ACBD6: variants seen among roughly 807,000 people sequenced by gnomAD.
ACBD6 encodes acyl-CoA-binding domain-containing protein 6.
A neutral mutation model predicts 37.2 loss-of-function variants in ACBD6; 28 were observed. The ratio of observed to expected loss-of-function variants is 0.75; its 90% CI spans 0.56 to 1.03. The LOEUF is 1.03. ACBD6 is among the 50% of genes least tolerant of loss of function. ACBD6 has a pLI of 0.00. For synonymous variants in ACBD6, 113 were observed against 126.8 expected, an observed-to-expected ratio of 0.89 and a Z score of 0.73; for missense variants, 340 against 337.4, an observed-to-expected ratio of 1.01 and a Z score of -0.06.
chr1:180,286,524 T>C (rs1317081382), downstream of ACBD6, among the ~76,000 whole-genome samples: 3 of 152,242 alleles, frequency 2.0e-5, no homozygotes, highest in African/African-American at 7.2e-5. Context: ...GGCATCATCC[T>C]GGTGACTTCA....
At chr1:180,394,938 A>G (rs921828471) in intron 6 of ACBD6, among the ~76,000 whole-genome samples, 2 of 152,222 alleles carry the variant, frequency 1.3e-5, no homozygotes, top group Non-Finnish European at 2.9e-5. Flanking sequence ...TACTATATAA[A>G]AAGTTCCTGT....
At chr1:180,394,273 G>A (rs907781154) in intron 6 of ACBD6, among the ~76,000 whole-genome samples, 1 of 151,866 alleles carries the variant, frequency 6.6e-6, no homozygotes, top group Non-Finnish European at 1.5e-5. Flanking sequence ...AAAAATGTGT[G>A]GAGATGGGGT....
At position 180,353,785 on chromosome 1, in the gene ACBD6, C is replaced by CA. The variant is rs56286672; in HGVS notation, c.664-39064dup. Among the ~76,000 whole-genome samples, 121 of 19,742 alleles carry CA rather than the reference C, an allele frequency of 6.1e-3. 11 individuals are homozygous for CA. The highest frequency in any genetic ancestry group is 0.043 in the South Asian group (24 of 552). The allele number at this position is 19,742 out of a possible 152,430, so 13.0% of individuals were successfully genotyped here. ...AATGACATAAAACAGTTAACAACCA[C>CA]AAAAAAAAAAAAAAAAAAAAGCCCA... On this transcript the variant is annotated intron_variant, in intron 6 of 7. Transcript: ENST00000367595.
chr1:180,488,911 ATCTG>A (rs1651380919), intron 3 of ACBD6, among the ~76,000 whole-genome samples: 1 of 152,122 alleles, frequency 6.6e-6, no homozygotes, highest in Admixed American at 6.5e-5. Flanking sequence ...AAGTTACTAA[ATCTG>A]TCTGTGTCTG....
intron 3 of ACBD6, among the ~76,000 whole-genome samples, chr1:180,450,610 AT>A (rs554396243): frequency 1.9e-4 from 29 of 152,268 alleles, no homozygotes; most frequent in African/African-American, 6.5e-4. Context: ...ATACAAAAAA[AT>A]TAGCCAGGCG....
intron 3 of ACBD6, among the ~76,000 whole-genome samples, chr1:180,488,348 CAT>C (rs2102082709): frequency 6.6e-6 from 1 of 152,154 alleles, no homozygotes; most frequent in East Asian, 1.9e-4. Flanking sequence ...TAACAGAAAA[CAT>C]AGTTATTTTT....
chr1:180,281,892 TCAGCTCCTGC>T (rs1292685132), intron 8 of ACBD6, among the ~76,000 whole-genome samples: 1 of 152,220 alleles, frequency 6.6e-6, no homozygotes, highest in Admixed American at 6.5e-5. Context: ...TTTTAAATGA[TCAGCTCCTGC>T]CCGGGGAAGA....
intron 7 of ACBD6, among the ~76,000 whole-genome samples, chr1:180,301,673 G>A (rs1243061534): frequency 1.3e-5 from 2 of 151,964 alleles, no homozygotes; most frequent in Non-Finnish European, 2.9e-5. Flanking sequence ...CATTTTGTAT[G>A]GGCCCCCCTT....
At chr1:180,313,073 T>C (rs1301067553) in intron 7 of ACBD6, among the ~76,000 whole-genome samples, 3 of 152,234 alleles carry the variant, frequency 2.0e-5, no homozygotes, top group Non-Finnish European at 4.4e-5. Context: ...GTTACATTAA[T>C]AGATTTTTTA....
At chr1:180,465,680 T>C (rs1045929237) in intron 3 of ACBD6, among the ~76,000 whole-genome samples, 5 of 152,106 alleles carry the variant, frequency 3.3e-5, no homozygotes. Context: ...CGGAGGAATA[T>C]AAAGCATTTT....
chr1:180,482,793 G>C (rs1271828486), intron 3 of ACBD6, among the ~76,000 whole-genome samples: 1 of 152,142 alleles, frequency 6.6e-6, no homozygotes, highest in African/African-American at 2.4e-5. Context: ...GTGTTACGGA[G>C]GTAGCTCTGA....
chr1:180,442,438 AAAG>A (rs1220906997), intron 3 of ACBD6, among the ~76,000 whole-genome samples: 2 of 152,194 alleles, frequency 1.3e-5, no homozygotes, highest in Non-Finnish European at 2.9e-5. Context: ...TATCCTCCAT[AAAG>A]AAGAATTTTC....
At chr1:180,359,696 G>GTCCACCCTGGT (rs11269448) in intron 6 of ACBD6, among the ~76,000 whole-genome samples, 4 of 152,014 alleles carry the variant, frequency 2.6e-5, no homozygotes, top group Non-Finnish European at 5.9e-5. Flanking sequence ...TTTCAGTGGG[G>GTCCACCCTGGT]TCCTAAGCCT....
chr1:180,272,052 CT>C, intron 13 of ACBD6: 1 of 1,558,536 alleles, frequency 6.4e-7, no homozygotes, highest in Non-Finnish European at 8.7e-7. Context: ...GGAAAGTCCC[CT>C]GGGAATCTGT....
rs545578223 is a variant in ACBD6 at position 180,334,758 on chromosome 1, C to G, written c.664-20036G>C. ...AACCCATGGCAAAGAAGTTAAAAAC[C>G]TTGAAAAAAAATTAGACGAATGGCT... On this transcript the variant is annotated intron_variant, in intron 6 of 7. Transcript: ENST00000367595. Among the ~76,000 whole-genome samples, 15 of 152,086 alleles carry G rather than the reference C, an allele frequency of 9.9e-5. No homozygotes were observed. The South Asian group carries it at 1.9e-3, about 19-fold the overall frequency.
At chr1:180,345,357 A>G (rs1652139833) in intron 6 of ACBD6, among the ~76,000 whole-genome samples, 1 of 152,180 alleles carries the variant, frequency 6.6e-6, no homozygotes, top group Non-Finnish European at 1.5e-5. Context: ...TAGGCCCACA[A>G]AACAGTTCCT....
intron 3 of ACBD6, among the ~76,000 whole-genome samples, chr1:180,471,899 T>C (rs985226702): frequency 6.6e-6 from 1 of 152,180 alleles, no homozygotes; most frequent in Admixed American, 6.5e-5. Context: ...CCAAGTATGG[T>C]TGGTATAGCA....
chr1:180,327,668 T>C (rs551827345), intron 6 of ACBD6, among the ~76,000 whole-genome samples: 7 of 152,350 alleles, frequency 4.6e-5, no homozygotes, highest in African/African-American at 1.7e-4. Flanking sequence ...ATTTAACCTT[T>C]TTCCTTTTAC....
intron 3 of ACBD6, among the ~76,000 whole-genome samples, chr1:180,484,609 G>C (rs1158854186): frequency 6.6e-6 from 1 of 152,022 alleles, no homozygotes; most frequent in East Asian, 1.9e-4. Context: ...TATACAAGTA[G>C]ATAAATATAT....
Sources: allele counts gnomAD v4.1 joint callset (sites outside exome capture counted in the v4.1 genomes callset), GRCh38; gene constraint gnomAD v4.1.1; transcripts MANE v1.5; gene names NCBI Gene and HGNC (gene_info 2026-07-23, HGNC 2026-07-21).